ZNF676: variants seen among roughly 807,000 people sequenced by gnomAD.
The protein encoded by ZNF676 is zinc finger protein 676.
A neutral mutation model predicts 6.0 loss-of-function variants in ZNF676; 4 were observed. The ratio of observed to expected loss-of-function variants is 0.67; its 90% CI spans 0.33 to 1.53. ZNF676 has a LOEUF of 1.53. ZNF676 is among the 40% of genes most tolerant of loss of function. ZNF676 has a pLI of 0.06. For synonymous variants in ZNF676, 198 were observed against 223.1 expected (o/e 0.89, Z 1.00); for missense variants, 644 against 679.7 (o/e 0.95, Z 0.58).
the ZNF676 span, among the ~76,000 whole-genome samples, chr19:22,239,525 T>A: frequency 6.6e-6 from 1 of 152,138 alleles, no homozygotes; most frequent in African/African-American, 2.4e-5. Flanking sequence ...ACCTCACCAG[T>A]GGGCTCTGTT....
intron 1 of ZNF676, among the ~76,000 whole-genome samples, chr19:22,213,728 G>A (rs2024155623): frequency 6.6e-6 from 1 of 152,062 alleles, no homozygotes; most frequent in African/African-American, 2.4e-5. Flanking sequence ...GAGATGAGAG[G>A]CTACACTCCA....
upstream of ZNF676, among the ~76,000 whole-genome samples, chr19:22,218,626 A>G (rs1232065814): frequency 1.3e-5 from 2 of 151,830 alleles, no homozygotes; most frequent in Non-Finnish European, 1.5e-5. Context: ...TTACAGGTAT[A>G]AGCCACTGCA....
intron 1 of ZNF676, among the ~76,000 whole-genome samples, chr19:22,210,438 C>T (rs537667103): frequency 6.6e-6 from 1 of 152,144 alleles, no homozygotes; most frequent in African/African-American, 2.4e-5. Context: ...TAATCTGATA[C>T]AGCTACTCAC....
chr19:22,206,072 C>G (rs2024073470), intron 1 of ZNF676, among the ~76,000 whole-genome samples: 1 of 144,608 alleles, frequency 6.9e-6, no homozygotes, highest in African/African-American at 2.6e-5. Flanking sequence ...CACACACACA[C>G]ACACACACAC....
the ZNF676 span, among the ~76,000 whole-genome samples, chr19:22,253,406 ATATATATATATGATAATG>A: frequency 1.6e-3 from 116 of 70,650 alleles, 1 homozygote; most frequent in African/African-American, 5.2e-3. Context: ...GATAATGTGT[ATATATATATATGATAATG>A]TATATATATA....
At chr19:22,216,329 G>A (rs2024189628), upstream of ZNF676, among the ~76,000 whole-genome samples, 1 of 152,048 alleles carries the variant, frequency 6.6e-6, no homozygotes, top group African/African-American at 2.4e-5. Context: ...CAGCTATTCA[G>A]GAGGCTGAGG....
At chr19:22,252,388 C>G in the ZNF676 span, among the ~76,000 whole-genome samples, 1 of 102,442 alleles carries the variant, frequency 9.8e-6, no homozygotes, top group East Asian at 3.3e-4. Flanking sequence ...GAGTGAGACT[C>G]TGTCTGAAAA....
the ZNF676 span, among the ~76,000 whole-genome samples, chr19:22,237,524 G>A: frequency 1.3e-5 from 2 of 152,120 alleles, no homozygotes; most frequent in South Asian, 2.1e-4. Flanking sequence ...CTAGGGGGCC[G>A]CTGGGACTTT....
At chr19:22,200,515 A>ATTTTTTTTTTT (rs3035052), upstream of ZNF676, among the ~76,000 whole-genome samples, 12 of 105,846 alleles carry the variant, frequency 1.1e-4, no homozygotes, top group African/African-American at 2.3e-4. Flanking sequence ...TGCTTCATCA[A>ATTTTTTTTTTT]TTTTTTTTTT....
At chr19:22,242,532 G>A in the ZNF676 span, among the ~76,000 whole-genome samples, 6 of 151,886 alleles carry the variant, frequency 4.0e-5, 1 homozygote, top group African/African-American at 1.5e-4. Context: ...TGGAGCCCAC[G>A]ATATGTCAAA....
chr19:22,208,841 T>C (rs769662557), intron 1 of ZNF676, among the ~76,000 whole-genome samples: 27 of 151,984 alleles, frequency 1.8e-4, no homozygotes, highest in Non-Finnish European at 2.9e-4. Context: ...TTGAGAAGCT[T>C]AGATAGAAGA....
At chr19:22,251,558 G>T in the ZNF676 span, among the ~76,000 whole-genome samples, 16 of 152,200 alleles carry the variant, frequency 1.1e-4, no homozygotes, top group Non-Finnish European at 2.1e-4. Context: ...GGGAGGCCGA[G>T]GTGGGCAGAT....
chr19:22,181,308 C>T lies in ZNF676; in HGVS notation c.409G>A (p.Gly137Arg), dbSNP rs1253439813. ...NSNRHKIRHTGEKGLKCKEYV... is the reference protein window; with the variant it reads ...NSNRHKIRHTREKGLKCKEYV... ...TCTTTACATTTCAAACCTTTCTCTC[C>T]AGTATGCCTTATCTTATGTCTGTTT... Residue 137 changes from glycine to arginine, a missense_variant, in exon 3 of 3, where the codon GGA becomes AGA. Gly to Arg is a moderately radical substitution (Grantham distance 125). This residue lies in a region of ZNF676 where 280 missense variants were observed against 269.3 expected (regional missense o/e 1.04). Coordinates refer to ENST00000397121, the MANE Select transcript of ZNF676 (RefSeq NM_001001411.3). The T allele has an allele frequency of 6.2e-7, 1 of 1,613,736 alleles. No homozygotes were observed. Among genetic ancestry groups the T allele is most frequent in the Non-Finnish European group, 8.5e-7 (1 of 1,179,778 alleles).
chr19:22,213,892 C>T (rs1039529240), intron 1 of ZNF676, among the ~76,000 whole-genome samples: 3 of 152,186 alleles, frequency 2.0e-5, no homozygotes, highest in African/African-American at 7.2e-5. Flanking sequence ...GAGGACACGT[C>T]TCCCTATAAC....
the ZNF676 span, among the ~76,000 whole-genome samples, chr19:22,221,525 T>C: frequency 6.6e-6 from 1 of 152,062 alleles, no homozygotes; most frequent in Non-Finnish European, 1.5e-5. Context: ...CCAAGGCAGG[T>C]GGATAACCTG....
the ZNF676 span, among the ~76,000 whole-genome samples, chr19:22,237,200 G>A: frequency 6.6e-6 from 1 of 152,062 alleles, no homozygotes; most frequent in Non-Finnish European, 1.5e-5. Flanking sequence ...TAAGCCAAGG[G>A]GCATCAGGCA....
At chr19:22,257,541 G>A in the ZNF676 span, among the ~76,000 whole-genome samples, 1 of 152,160 alleles carries the variant, frequency 6.6e-6, no homozygotes, top group Admixed American at 6.5e-5. Flanking sequence ...GACATGATAG[G>A]TAATAATGTC....
At chr19:22,251,950 T>C in the ZNF676 span, among the ~76,000 whole-genome samples, 1 of 152,246 alleles carries the variant, frequency 6.6e-6, no homozygotes, top group Non-Finnish European at 1.5e-5. Flanking sequence ...CTTATTTTAC[T>C]TTACTGTTGT....
chr19:22,180,327 A>C lies in ZNF676; in HGVS notation c.1390T>G (p.Phe464Val). Residue 464 changes from phenylalanine to valine, a missense_variant, in exon 3 of 3, where the codon TTT (phenylalanine) becomes GTT (valine). Transcript: ENST00000397121. Reference protein sequence around the residue: ...CGKAFTWSSSFTKHKRIHAAE... With the variant: ...CGKAFTWSSSVTKHKRIHAAE... ...GCATGAATTCTCTTGTGTTTAGTAA[A>C]GCTTGAGGACCAGGTGAAGGCTTTG... The C allele has an allele frequency of 6.2e-7, 1 of 1,602,216 alleles. No individual in the cohort carries two copies. The highest frequency in any genetic ancestry group is 8.5e-7 in the Non-Finnish European group (1 of 1,175,676).
Sources: gnomAD v4.1 joint callset for allele counts (sites outside exome capture counted in the v4.1 genomes callset) on GRCh38, gnomAD v4.1.1 for gene constraint, gnomAD v4.1.1 regional missense constraint, MANE v1.5 for transcripts, NCBI Gene and HGNC (gene_info 2026-07-23, HGNC 2026-07-21) for gene names.